The following CDK20 variants were observed in gnomAD, a reference collection of about 807,000 sequenced individuals.
CDK20 encodes cyclin dependent kinase 20.
A neutral mutation model predicts 38.6 loss-of-function variants in CDK20; 40 were observed. That is an observed-to-expected ratio of 1.04 (90% CI 0.81 to 1.35). CDK20 has a LOEUF of 1.35. Among genes scored for constraint, CDK20 ranks in the 40% most tolerant of loss-of-function variants. The pLI, the probability that CDK20 is intolerant of heterozygous loss-of-function variation, is 0.00. For missense variants in CDK20, 512 were observed against 452.6 expected, an observed-to-expected ratio of 1.13 and a Z score of -1.19; for synonymous variants, 209 against 185.7, an observed-to-expected ratio of 1.13 and a Z score of -1.02.
chr9:87,967,666 G>C lies in CDK20; in HGVS notation c.844-7C>G. ...AGTACTGATGGAGGAGAGCCTGAGG[G>C]TGGCAAGTAAGGAACAGCAGAAGGA... On this transcript the variant is annotated splice_polypyrimidine_tract_variant and splice_region_variant and intron_variant, in intron 7 of 7. Coordinates refer to ENST00000325303, the MANE Select transcript of CDK20 (RefSeq NM_001039803.3). 6.8e-7 allele frequency: 1 copy of C among 1,465,956 alleles called. No homozygotes were observed. Among genetic ancestry groups the C allele is most frequent in the Non-Finnish European group, 9.0e-7 (1 of 1,105,842 alleles). 90.8% of individuals were successfully genotyped at this position (1,465,956 alleles called of 1,614,324 possible). A position where few individuals can be genotyped will look rare whatever the true frequency, so the allele number is the denominator to read the frequency against.
intron 2 of CDK20, among the ~76,000 whole-genome samples, chr9:87,973,248 C>A (rs941330776): frequency 5.9e-5 from 9 of 152,176 alleles, no homozygotes; most frequent in African/African-American, 2.2e-4. Context: ...AGATGCCCCT[C>A]TTCGTGTTCC....
In CDK20 at chr9:87,967,875, G is replaced by C. The variant is rs59941952; in HGVS notation, c.844-216C>G. 1.6e-4 allele frequency: 82 copies of C among 518,648 alleles called. 1 individual carries two copies. In the East Asian group the frequency reaches 2.4e-3, roughly 15 times the overall value. 32.1% of individuals were successfully genotyped at this position (518,648 alleles called of 1,614,324 possible). On this transcript the variant is annotated intron_variant, in intron 7 of 7. Coordinates refer to ENST00000325303, the MANE Select transcript of CDK20 (RefSeq NM_001039803.3). The stretch of plus-strand genomic sequence containing the variant: ...GTTTTTCTGACATAAGTGAGGGTGG[G>C]GGGTAATAAACAAGATGAAGTAAAA...
At chr9:87,972,856 C>CA (rs2118312598) in intron 2 of CDK20, among the ~76,000 whole-genome samples, 1 of 152,288 alleles carries the variant, frequency 6.6e-6, no homozygotes, top group South Asian at 2.1e-4. Flanking sequence ...CTCAAAAAAT[C>CA]AAAATGGCCT....
chr9:87,970,142 C>T lies in CDK20; in HGVS notation c.564-223G>A, dbSNP rs1587620204. 1.0e-5 allele frequency: 5 copies of T among 483,120 alleles called. 1 individual carries two copies. In the South Asian group the frequency reaches 1.4e-4, roughly 14 times the overall value. The allele number at this position is 483,120 out of a possible 1,614,324, so 29.9% of individuals were successfully genotyped here. On this transcript the variant is annotated intron_variant, in intron 5 of 7. Coordinates refer to ENST00000325303, the MANE Select transcript of CDK20 (RefSeq NM_001039803.3). Reference sequence around the variant, plus strand: ...CTTCTCGGAGACTCCTGCTCTAGGACACTTCTGGGGCAGACCTGCAAACCT... The same window carrying T: ...CTTCTCGGAGACTCCTGCTCTAGGATACTTCTGGGGCAGACCTGCAAACCT...
In CDK20 at chr9:87,967,826, G is replaced by A. The variant is rs34990882; in HGVS notation, c.844-167C>T. 3.2e-3 allele frequency: 1,921 copies of A among 593,004 alleles called. 19 individuals are homozygous for A. The highest frequency in any genetic ancestry group is 0.019 in the Admixed American group (583 of 30,308). The allele number at this position is 593,004 out of a possible 1,614,324, so 36.7% of individuals were successfully genotyped here. A position where few individuals can be genotyped will look rare whatever the true frequency, so the allele number is the denominator to read the frequency against. On this transcript the variant is annotated intron_variant, in intron 7 of 7. Coordinates refer to ENST00000325303, the MANE Select transcript of CDK20 (RefSeq NM_001039803.3). ...TATTCCAGAAGCTGGGAACATAGCCGTTAATAAAACAGACAAAAGCTCTGT... is the reference window on the plus strand; with the variant it reads ...TATTCCAGAAGCTGGGAACATAGCCATTAATAAAACAGACAAAAGCTCTGT...
chr9:87,970,771 C>T lies in CDK20; in HGVS notation c.500+5G>A. 1.2e-6 allele frequency: 2 copies of T among 1,613,406 alleles called. No individual in the cohort carries two copies. The highest frequency in any genetic ancestry group is 1.7e-6 in the Non-Finnish European group (2 of 1,179,996). ...GAAGACTGGAAGGGATCTGGCCCTC[C>T]CTACCTGGTGGCCACCTGGTGTGTG... On this transcript the variant is annotated splice_donor_5th_base_variant and intron_variant, in intron 4 of 7. Coordinates refer to ENST00000325303, the MANE Select transcript of CDK20 (RefSeq NM_001039803.3).
intron 1 of CDK20, 84 bp downstream of exon 1, chr9:87,974,288 A>G: frequency 7.0e-7 from 1 of 1,436,190 alleles, no homozygotes; most frequent in Non-Finnish European, 9.6e-7. Context: ...GGATGTAAAA[A>G]GGGAACCGAA....
At chr9:87,969,604 AAGGAC>A (rs1307607266) in intron 6 of CDK20, 187 bp downstream of exon 6, 6 of 914,346 alleles carry the variant, frequency 6.6e-6, no homozygotes, top group Non-Finnish European at 9.9e-6. Flanking sequence ...AAAAGGGACA[AAGGAC>A]AGGATCTACC....
At chr9:87,970,435 C>A in intron 5 of CDK20, 133 bp downstream of exon 5, 1 of 819,392 alleles carries the variant, frequency 1.2e-6, no homozygotes, top group East Asian at 2.7e-5. Flanking sequence ...TCAGAATACC[C>A]CAACCAGGGA....
intron 2 of CDK20, 54 bp from the exon 3 acceptor site, chr9:87,971,389 G>A: frequency 1.3e-6 from 2 of 1,522,982 alleles, no homozygotes; most frequent in Non-Finnish European, 1.8e-6. Flanking sequence ...GACCCTCTCT[G>A]TGACCCTGAG....
At position 87,970,859 on chromosome 9, in the gene CDK20, G is replaced by A. The variant is rs750423585; in HGVS notation, c.417C>T (p.Gly139=). ...KPANLLISAS[G]QLKIADFGLA... The stretch of plus-strand genomic sequence containing the variant: ...GGCCAAAGTCCGCTATCTTGAGCTG[G>A]CCTGAGGCGCTGATGAGCAGGTTGG... Residue 139 remains glycine (G), a synonymous_variant, in exon 4 of 8, where the codon GGC becomes GGT. Coordinates refer to ENST00000325303, the MANE Select transcript of CDK20 (RefSeq NM_001039803.3). 2 of 1,614,196 alleles carry A rather than the reference G, an allele frequency of 1.2e-6. No homozygotes were observed. The highest frequency in any genetic ancestry group is 1.7e-6 in the Non-Finnish European group (2 of 1,180,038).
In CDK20 at chr9:87,973,781, G is replaced by C. The variant is rs1414348072; in HGVS notation, c.189+141C>G. The C allele has an allele frequency of 6.1e-6, 5 of 816,912 alleles. No individual in the cohort carries two copies. The East Asian group carries it at 1.3e-4, about 21-fold the overall frequency. 50.6% of individuals were successfully genotyped at this position (816,912 alleles called of 1,614,324 possible). Reference sequence around the variant, plus strand: ...AAGGGCAAAAGGGGGTAAGGAGGCAGATGAATGAGCAGTGTGTGTGAGTGA... The same window carrying C: ...AAGGGCAAAAGGGGGTAAGGAGGCACATGAATGAGCAGTGTGTGTGAGTGA... On this transcript the variant is annotated intron_variant, in intron 2 of 7. Coordinates refer to ENST00000325303, the MANE Select transcript of CDK20 (RefSeq NM_001039803.3).
At chr9:87,971,065 T>A (rs546958398) in intron 3 of CDK20, 82 bp downstream of exon 3, 1 of 1,525,008 alleles carries the variant, frequency 6.6e-7, no homozygotes, top group Admixed American at 1.8e-5. Context: ...CAACTTCTTA[T>A]CACACCTTTT....
rs774487145 is a variant in CDK20, at chr9:87,967,090, C to T, written c.*372G>A. On this transcript the variant is annotated 3_prime_UTR_variant, in exon 8 of 8. Coordinates refer to ENST00000325303, the MANE Select transcript of CDK20 (RefSeq NM_001039803.3). Reference sequence around the variant, plus strand: ...TTCCAACATAAGGACACCTTACTCTCTGCACTTCTCCTTGACCAGGAGGCA... The same window carrying T: ...TTCCAACATAAGGACACCTTACTCTTTGCACTTCTCCTTGACCAGGAGGCA... The T allele has an allele frequency of 5.4e-6, 3 of 550,496 alleles. No homozygotes were observed. Among genetic ancestry groups the T allele is most frequent in the Non-Finnish European group, 1.1e-5 (3 of 281,030 alleles). 34.1% of individuals were successfully genotyped at this position (550,496 alleles called of 1,614,324 possible).
chr9:87,970,514 C>T, intron 5 of CDK20, 54 bp downstream of exon 5: 1 of 1,532,918 alleles, frequency 6.5e-7, no homozygotes, highest in Non-Finnish European at 9.0e-7. Context: ...GACCTCAGAG[C>T]CTAGCAGAAA....
intron 3 of CDK20, 26 bp from the exon 4 acceptor site, chr9:87,970,923 T>C: frequency 1.9e-6 from 3 of 1,613,738 alleles, no homozygotes; most frequent in Non-Finnish European, 2.5e-6. Flanking sequence ...GAAGCATCAG[T>C]CCCTCCAAAT....
In CDK20 at chr9:87,971,060, T is replaced by A. The variant is rs1320105188; in HGVS notation, c.378+87A>T. On this transcript the variant is annotated intron_variant, in intron 3 of 7. Coordinates refer to ENST00000325303, the MANE Select transcript of CDK20 (RefSeq NM_001039803.3). The stretch of plus-strand genomic sequence containing the variant: ...GGCCTTGACCAGCTCTGTCCCAACT[T>A]CTTATCACACCTTTTACAAGGGCTA... 6 of 1,519,864 alleles carry A rather than the reference T, an allele frequency of 3.9e-6. No homozygotes were observed. In the Admixed American group the frequency reaches 5.6e-5, roughly 14 times the overall value. The allele number at this position is 1,519,864 out of a possible 1,614,324, so 94.1% of individuals were successfully genotyped here.
At chr9:87,968,973 C>T (rs1564155090) in intron 7 of CDK20, 3 of 564,656 alleles carry the variant, frequency 5.3e-6, no homozygotes, top group East Asian at 6.0e-5. Flanking sequence ...TATGGGCCAC[C>T]CTCAGGGGAA....
At chr9:87,970,376 C>T in intron 5 of CDK20, 192 bp downstream of exon 5, 1 of 591,720 alleles carries the variant, frequency 1.7e-6, no homozygotes, top group African/African-American at 1.9e-5. Flanking sequence ...CCACCTGGCC[C>T]CTACCCAGCT....
Sources: gnomAD v4.1 joint callset for allele counts (sites outside exome capture counted in the v4.1 genomes callset) on GRCh38, gnomAD v4.1.1 for gene constraint, MANE v1.5 for transcripts, NCBI Gene and HGNC (gene_info 2026-07-23, HGNC 2026-07-21) for gene names.